The following ANAPC1 variants were observed in gnomAD, a reference collection of about 807,000 sequenced individuals.
ANAPC1 encodes anaphase promoting complex subunit 1, also known as anaphase-promoting complex subunit 1.
A neutral mutation model predicts 208.0 loss-of-function variants in ANAPC1; 36 were observed. The ratio of observed to expected loss-of-function variants is 0.17; its 90% CI spans 0.13 to 0.23. ANAPC1 has a LOEUF of 0.23. Ranked by LOEUF, ANAPC1 falls within the 10% of genes least tolerant of loss-of-function variation. The probability of loss-of-function intolerance (pLI) is 1.00; values close to 1 mark genes in which losing one functional copy is unlikely to be tolerated. For missense variants in ANAPC1, 942 were observed against 2,011.6 expected, an observed-to-expected ratio of 0.47 and a Z score of 10.17; for synonymous variants, 378 against 695.2, an observed-to-expected ratio of 0.54 and a Z score of 7.18.
chr2:111,770,717 A>C (rs1365973595), intron 47 of ANAPC1, among the ~76,000 whole-genome samples: 1 of 131,336 alleles, frequency 7.6e-6, no homozygotes, highest in Admixed American at 7.5e-5. Context: ...CAGTACTGAG[A>C]TCTTCATTTC....
Position 111,825,185 on chromosome 2 carries a change from G to T in ANAPC1, c.2705-18C>A. On this transcript the variant is annotated intron_variant, in intron 22 of 47. Transcript: ENST00000341068. ...CTGGGGGGCTAAAAGGCAACAAAAT[G>T]AAACTTAATTTTGATAGTCATCCTG... The T allele has an allele frequency of 1.2e-6, 2 of 1,603,276 alleles. No homozygotes were observed. Among genetic ancestry groups the T allele is most frequent in the Non-Finnish European group, 1.7e-6 (2 of 1,175,094 alleles).
intron 10 of ANAPC1, among the ~76,000 whole-genome samples, chr2:111,860,577 T>C (rs57084357): frequency 0.051 from 7,313 of 144,382 alleles, 548 homozygotes; most frequent in African/African-American, 0.17. Flanking sequence ...GTACCTCCTC[T>C]CTGGGTTCAA....
At chr2:111,822,894 T>C (rs1679609418) in intron 24 of ANAPC1, among the ~76,000 whole-genome samples, 1 of 151,506 alleles carries the variant, frequency 6.6e-6, no homozygotes, top group South Asian at 2.1e-4. Context: ...TCTACCTAAT[T>C]AGGGATCAGG....
intron 1 of ANAPC1, among the ~76,000 whole-genome samples, chr2:111,881,736 T>C (rs1683309229): frequency 6.6e-6 from 1 of 152,200 alleles, no homozygotes; most frequent in Admixed American, 6.5e-5. Flanking sequence ...ACAGCATTTT[T>C]AATGTTAGGA....
intron 21 of ANAPC1, 71 bp downstream of exon 21, chr2:111,831,215 T>C: frequency 2.6e-6 from 4 of 1,518,656 alleles, no homozygotes; most frequent in South Asian, 1.3e-5. Flanking sequence ...AAAAACTTAA[T>C]ATCAGGTGTA....
intron 17 of ANAPC1, among the ~76,000 whole-genome samples, chr2:111,842,205 A>G (rs1266672490): frequency 2.0e-5 from 3 of 152,252 alleles, no homozygotes; most frequent in Non-Finnish European, 1.5e-5. Context: ...TTTTAATGAT[A>G]CGGGAAATTT....
chr2:111,823,129 C>A (rs1443963877), intron 24 of ANAPC1, among the ~76,000 whole-genome samples: 2 of 150,086 alleles, frequency 1.3e-5, no homozygotes, highest in Admixed American at 1.3e-4. Context: ...CCTGCCTCAG[C>A]CTCCCGAGTA....
intron 20 of ANAPC1, among the ~76,000 whole-genome samples, chr2:111,831,826 CA>C (rs34008628): frequency 2.9e-3 from 83 of 29,020 alleles, no homozygotes; most frequent in Admixed American, 0.015. Context: ...GACTCTGTCT[CA>C]AAAAAAAAAA....
chr2:111,791,291 TTGACAA>T (rs1265420708), intron 38 of ANAPC1, among the ~76,000 whole-genome samples: 1 of 149,534 alleles, frequency 6.7e-6, no homozygotes, highest in East Asian at 2.0e-4. Context: ...ATAACAAGGG[TTGACAA>T]GGATATGGAA....
intron 33 of ANAPC1, among the ~76,000 whole-genome samples, chr2:111,801,463 C>A (rs906811745): frequency 2.6e-5 from 3 of 113,814 alleles, no homozygotes; most frequent in Admixed American, 1.8e-4. Flanking sequence ...CTCAAATTAG[C>A]CTATAATTGA....
intron 6 of ANAPC1, among the ~76,000 whole-genome samples, chr2:111,868,555 G>C (rs1273664665): frequency 1.3e-5 from 2 of 152,064 alleles, no homozygotes; most frequent in African/African-American, 4.8e-5. Flanking sequence ...TTCTGAGATG[G>C]AGTCTCACTC....
intron 27 of ANAPC1, among the ~76,000 whole-genome samples, chr2:111,816,306 T>C (rs1401214111): frequency 6.7e-6 from 1 of 149,860 alleles, no homozygotes; most frequent in Non-Finnish European, 1.5e-5. Context: ...TTAATAAATC[T>C]GCTACAGGTC....
At chr2:111,852,953 A>G (rs1437747262) in intron 13 of ANAPC1, among the ~76,000 whole-genome samples, 1 of 151,966 alleles carries the variant, frequency 6.6e-6, no homozygotes, top group Non-Finnish European at 1.5e-5. Context: ...CCACCACTGC[A>G]CTCCAGCCTG....
At chr2:111,838,123 T>C (rs922145414) in intron 18 of ANAPC1, among the ~76,000 whole-genome samples, 4 of 147,156 alleles carry the variant, frequency 2.7e-5, no homozygotes, top group Non-Finnish European at 6.0e-5. Context: ...CCTGATACAA[T>C]TGAGAACCTT....
At chr2:111,787,461 G>A (rs1677622833) in intron 39 of ANAPC1, among the ~76,000 whole-genome samples, 1 of 151,406 alleles carries the variant, frequency 6.6e-6, no homozygotes, top group Non-Finnish European at 1.5e-5. Flanking sequence ...TAAAATGATG[G>A]CTTAGGTTAC....
Position 111,854,151 on chromosome 2 carries a change from A to C in ANAPC1, c.1515+2463T>G, listed in dbSNP as rs186071398. On this transcript the variant is annotated intron_variant, in intron 13 of 47. Coordinates refer to ENST00000341068, the MANE Select transcript of ANAPC1 (RefSeq NM_022662.4). ...TCACAGGCTGCAGAACAGATGTGTC[A>C]GCAGGCATGAAAACAACATTCATCT... Among the ~76,000 whole-genome samples, 227 of 152,330 alleles carry C rather than the reference A, an allele frequency of 1.5e-3. 1 individual carries two copies. The highest frequency in any genetic ancestry group is 5.0e-3 in the African/African-American group (207 of 41,572).
At chr2:111,857,987 C>G (rs1271066865) in intron 11 of ANAPC1, among the ~76,000 whole-genome samples, 1 of 151,670 alleles carries the variant, frequency 6.6e-6, no homozygotes, top group African/African-American at 2.4e-5. Context: ...TATAAATGTC[C>G]AGAAAAATTA....
intron 16 of ANAPC1, among the ~76,000 whole-genome samples, chr2:111,846,435 G>GAA (rs199918130): frequency 2.0e-4 from 27 of 135,220 alleles, no homozygotes; most frequent in Admixed American, 3.1e-4. Flanking sequence ...ATACATTACA[G>GAA]AAAAAAAAAC....
intron 38 of ANAPC1, among the ~76,000 whole-genome samples, chr2:111,788,673 T>C (rs1428381820): frequency 5.3e-5 from 8 of 150,908 alleles, no homozygotes; most frequent in Non-Finnish European, 1.0e-4. Flanking sequence ...CCAATTTTAT[T>C]AATGTATATG....
Sources: allele counts gnomAD v4.1 joint callset (sites outside exome capture counted in the v4.1 genomes callset), GRCh38; gene constraint gnomAD v4.1.1; transcripts MANE v1.5; gene names NCBI Gene and HGNC (gene_info 2026-07-23, HGNC 2026-07-21).